The following MEP1A variants were observed in gnomAD, a reference collection of about 807,000 sequenced individuals.
The protein encoded by MEP1A is meprin A subunit alpha.
A neutral mutation model predicts 84.5 loss-of-function variants in MEP1A; 68 were observed. The observed-to-expected ratio is 0.80, with a 90% CI of 0.66 to 0.98. The LOEUF is 0.98. Among genes scored for constraint, MEP1A ranks in the 50% least tolerant of loss-of-function variants. The pLI is 0.00. For synonymous variants in MEP1A, 337 were observed against 336.8 expected (o/e 1.00, Z -0.01); for missense variants, 887 against 919.9 (o/e 0.96, Z 0.46).
chr6:46,797,308 G>T lies in MEP1A; in HGVS notation c.146-1298G>T, dbSNP rs979685806. 5.3e-5 allele frequency among the ~76,000 whole-genome samples: 8 copies of T among 152,334 alleles called. No homozygotes were observed. The East Asian group carries it at 1.3e-3, about 26-fold the overall frequency. Reference sequence around the variant, plus strand: ...CTGTCTGAAGTTGTTGCATTTTACAGAAAATGTTTCATGTCACATGAGAGT... The same window carrying T: ...CTGTCTGAAGTTGTTGCATTTTACATAAAATGTTTCATGTCACATGAGAGT... On this transcript the variant is annotated intron_variant, in intron 3 of 13. Coordinates refer to ENST00000230588, the MANE Select transcript of MEP1A (RefSeq NM_005588.3).
downstream of MEP1A, among the ~76,000 whole-genome samples, chr6:46,840,186 A>G (rs183077662): frequency 2.4e-3 from 358 of 152,336 alleles, 1 homozygote; most frequent in African/African-American, 7.8e-3. Context: ...TGTAGAGTTA[A>G]AATGCACTGG....
At position 46,833,288 on chromosome 6, in the gene MEP1A, G is replaced by T; in HGVS notation, c.1359G>T (p.Lys453Asn). The change falls in exon 11 of 14, where the codon AAG becomes AAT. Residue 453 changes from lysine (K) to asparagine (N), a missense_variant. Lys to Asn is a moderately conservative substitution (Grantham distance 94). Transcript: ENST00000230588. ...QVLENTSKGD[K>N]LQSPRFYNSE... is the part of the protein sequence containing the mutation. ...TTGAGAACACCAGCAAAGGGGACAA[G>T]CTTCAGAGCCCTCGATTCTACAATT... is the stretch of plus-strand genomic sequence containing the variant. 1 of 1,614,212 alleles carries T rather than the reference G, an allele frequency of 6.2e-7. No homozygotes were observed. Among genetic ancestry groups the T allele is most frequent in the Non-Finnish European group, 8.5e-7 (1 of 1,180,040 alleles).
the MEP1A span, among the ~76,000 whole-genome samples, chr6:46,845,065 G>A: frequency 1.3e-5 from 2 of 152,232 alleles, no homozygotes; most frequent in African/African-American, 4.8e-5. Flanking sequence ...AGTTTCCTGA[G>A]GCTTCCCCAG....
At chr6:46,835,652 C>A in intron 13 of MEP1A, 103 bp downstream of exon 13, 2 of 1,204,228 alleles carry the variant, frequency 1.7e-6, no homozygotes, top group Non-Finnish European at 2.4e-6. Context: ...CGAAGACTAC[C>A]TCAGATGGTC....
intron 5 of MEP1A, among the ~76,000 whole-genome samples, chr6:46,804,685 T>C (rs1379915876): frequency 6.6e-6 from 1 of 151,680 alleles, no homozygotes; most frequent in African/African-American, 2.4e-5. Flanking sequence ...TTCAATGAGT[T>C]CTTAAAGATC....
At position 46,825,415 on chromosome 6, in the gene MEP1A, G is replaced by C. The variant is rs1310469612; in HGVS notation, c.700G>C (p.Glu234Gln). The C allele has an allele frequency of 6.2e-7, 1 of 1,613,730 alleles. No individual in the cohort carries two copies. The highest frequency in any genetic ancestry group is 1.3e-5 in the African/African-American group (1 of 74,876). The change falls in exon 8 of 14, where the codon GAG becomes CAG. Residue 234 changes from glutamate to glutamine, a missense_variant. Coordinates refer to ENST00000230588, the MANE Select transcript of MEP1A (RefSeq NM_005588.3). ...TCCCACCATCACAGCCAAGATCCCT[G>C]AGTTTAACTCCATTATCGGACAGCG... ...SVPTITAKIP[E>Q]FNSIIGQRLD...
intron 6 of MEP1A, among the ~76,000 whole-genome samples, chr6:46,817,250 G>A: frequency 6.6e-6 from 1 of 152,180 alleles, no homozygotes; most frequent in East Asian, 1.9e-4. Flanking sequence ...TGGATGACTG[G>A]CAAGTGGTAA....
intron 9 of MEP1A, among the ~76,000 whole-genome samples, chr6:46,828,640 A>G (rs1007365348): frequency 3.9e-5 from 6 of 152,210 alleles, no homozygotes; most frequent in Non-Finnish European, 1.5e-5. Flanking sequence ...TGTGTGGTTT[A>G]CCAAACGGTA....
chr6:46,836,912 G>A (rs1308604661), intron 13 of MEP1A, among the ~76,000 whole-genome samples: 1 of 151,800 alleles, frequency 6.6e-6, no homozygotes, highest in Non-Finnish European at 1.5e-5. Flanking sequence ...ACAGGTACAT[G>A]ATGCCTATAC....
At position 46,836,896 on chromosome 6, in the gene MEP1A, G is replaced by A. The variant is rs151322531; in HGVS notation, c.2084+1347G>A. 1.3e-4 allele frequency among the ~76,000 whole-genome samples: 20 copies of A among 151,740 alleles called. No individual in the cohort carries two copies. In the East Asian group the frequency reaches 3.1e-3, roughly 24 times the overall value. On this transcript the variant is annotated intron_variant, in intron 13 of 13. Transcript: ENST00000230588. ...ATGTGCTATGCCTTCTCGCTGCAGCGTGTGAACAGGTACATGATGCCTATA... is the reference window on the plus strand; with the variant it reads ...ATGTGCTATGCCTTCTCGCTGCAGCATGTGAACAGGTACATGATGCCTATA...
chr6:46,817,464 C>T (rs1767667400), intron 6 of MEP1A, among the ~76,000 whole-genome samples: 1 of 152,188 alleles, frequency 6.6e-6, no homozygotes, highest in Non-Finnish European at 1.5e-5. Context: ...AAAGACCACA[C>T]ATTTTAGGGC....
At chr6:46,836,339 A>C (rs1408122789) in intron 13 of MEP1A, among the ~76,000 whole-genome samples, 1 of 152,234 alleles carries the variant, frequency 6.6e-6, no homozygotes, top group Non-Finnish European at 1.5e-5. Context: ...CAACAGTTCC[A>C]TTTGAACAGT....
In MEP1A at chr6:46,804,328, T is replaced by C. The variant is rs1342706117; in HGVS notation, c.263-5092T>C. Among the ~76,000 whole-genome samples, 13 of 151,914 alleles carry C rather than the reference T, an allele frequency of 8.6e-5. No homozygotes were observed. The East Asian group carries it at 2.1e-3, about 25-fold the overall frequency. Reference sequence around the variant, plus strand: ...AGTGTTAAAAATTATTATTTTAACATTTTTAAGTTGTAATACATTGTCTTT... The same window carrying C: ...AGTGTTAAAAATTATTATTTTAACACTTTTAAGTTGTAATACATTGTCTTT... On this transcript the variant is annotated intron_variant, in intron 5 of 13. Coordinates refer to ENST00000230588, the MANE Select transcript of MEP1A (RefSeq NM_005588.3).
At position 46,835,240 on chromosome 6, in the gene MEP1A, T is replaced by C. The variant is rs1768188331; in HGVS notation, c.1784-9T>C. ...CTGGATCTTCCTCATGACTCTCTAT[T>C]TCCTGAAGATATCACCCACCTCAGC... On this transcript the variant is annotated splice_polypyrimidine_tract_variant and intron_variant, in intron 12 of 13. Coordinates refer to ENST00000230588, the MANE Select transcript of MEP1A (RefSeq NM_005588.3). 1 of 1,578,482 alleles carries C rather than the reference T, an allele frequency of 6.3e-7. No individual in the cohort carries two copies. Among genetic ancestry groups the C allele is most frequent in the Admixed American group, 1.9e-5 (1 of 52,044 alleles).
intron 3 of MEP1A, among the ~76,000 whole-genome samples, chr6:46,795,278 C>G (rs1436131134): frequency 6.6e-6 from 1 of 152,098 alleles, no homozygotes; most frequent in East Asian, 1.9e-4. Context: ...TCGATCTACT[C>G]GATCTACTTT....
chr6:46,841,291 T>A (rs557586761), downstream of MEP1A, among the ~76,000 whole-genome samples: 3 of 152,088 alleles, frequency 2.0e-5, no homozygotes, highest in South Asian at 6.2e-4. Context: ...TCTATGTTTA[T>A]CACTTTTGAT....
intron 5 of MEP1A, among the ~76,000 whole-genome samples, chr6:46,801,975 CA>C (rs1204196250): frequency 7.2e-5 from 11 of 151,894 alleles, no homozygotes; most frequent in African/African-American, 4.8e-5. Flanking sequence ...ATCATCATGT[CA>C]AAAATCACTA....
chr6:46,821,659 G>A (rs553022041), intron 7 of MEP1A, among the ~76,000 whole-genome samples: 2 of 152,272 alleles, frequency 1.3e-5, no homozygotes, highest in South Asian at 4.1e-4. Context: ...CTATTTCCAA[G>A]TCTTATAGAA....
At chr6:46,822,765 G>A (rs528757317) in intron 7 of MEP1A, among the ~76,000 whole-genome samples, 29 of 152,152 alleles carry the variant, frequency 1.9e-4, no homozygotes, top group African/African-American at 5.5e-4. Flanking sequence ...GGCTGGTCTC[G>A]AACTCCTGGC....
Sources: allele counts gnomAD v4.1 joint callset (sites outside exome capture counted in the v4.1 genomes callset), GRCh38; gene constraint gnomAD v4.1.1; transcripts MANE v1.5; gene names NCBI Gene and HGNC (gene_info 2026-07-23, HGNC 2026-07-21).